KCTD3: variants seen among roughly 807,000 people sequenced by gnomAD.
KCTD3 encodes the protein potassium channel tetramerization domain containing 3, also known as BTB/POZ domain-containing protein KCTD3.
A neutral mutation model predicts 85.8 loss-of-function variants in KCTD3; 41 were observed. The observed-to-expected ratio is 0.48, with a 90% CI of 0.37 to 0.62. The LOEUF (loss-of-function observed/expected upper bound fraction) is 0.62. KCTD3 is among the 20% of genes least tolerant of loss of function. The pLI is 0.00. For missense variants in KCTD3, 724 were observed against 989.9 expected, an observed-to-expected ratio of 0.73 and a Z score of 3.60; for synonymous variants, 338 against 345.4, an observed-to-expected ratio of 0.98 and a Z score of 0.24.
At chr1:215,605,574 A>G (rs760112893) in intron 13 of KCTD3, among the ~76,000 whole-genome samples, 1 of 152,078 alleles carries the variant, frequency 6.6e-6, no homozygotes, top group Non-Finnish European at 1.5e-5. Flanking sequence ...TGACCATCCA[A>G]AGAGTTCCAA....
chr1:215,618,662 G>A, intron 15 of KCTD3: 1 of 380,872 alleles, frequency 2.6e-6, no homozygotes, highest in South Asian at 9.3e-5. Flanking sequence ...TTTTGAAGTT[G>A]AGTATTATCC....
chr1:215,616,991 G>A (rs556986542), intron 15 of KCTD3, among the ~76,000 whole-genome samples: 87 of 152,288 alleles, frequency 5.7e-4, no homozygotes, highest in African/African-American at 2.0e-3. Context: ...GAGAGGAGCC[G>A]AAGGCTAAGT....
chr1:215,578,184 C>T (rs1558229633), intron 6 of KCTD3, 103 bp downstream of exon 6: 5 of 851,742 alleles, frequency 5.9e-6, no homozygotes, highest in Admixed American at 2.4e-5. Flanking sequence ...AGTTTTTTGT[C>T]TATAAATCTA....
intron 9 of KCTD3, among the ~76,000 whole-genome samples, chr1:215,588,856 A>G (rs1660114590): frequency 6.6e-6 from 1 of 152,196 alleles, no homozygotes; most frequent in Admixed American, 6.5e-5. Flanking sequence ...ACTCTCTGCC[A>G]AATCTTTAGA....
chr1:215,608,475 G>A (rs986222379), intron 14 of KCTD3, among the ~76,000 whole-genome samples: 1 of 151,800 alleles, frequency 6.6e-6, no homozygotes, highest in African/African-American at 2.4e-5. Context: ...TATGATAACT[G>A]TGTACATTTG....
rs558580208 is a variant in KCTD3 at position 215,604,118 on chromosome 1, T to C, written c.1139-14T>C. On this transcript the variant is annotated splice_polypyrimidine_tract_variant and intron_variant, in intron 12 of 17. Transcript: ENST00000259154. ...TCCATAATGTATCACCTGTCAACTC[T>C]TGACTTTATATAGGTGTCAGTGGTA... 3.1e-6 allele frequency: 5 copies of C among 1,591,978 alleles called. No homozygotes were observed. The East Asian group carries it at 9.0e-5, about 29-fold the overall frequency.
At chr1:215,616,866 A>G (rs796974016) in intron 15 of KCTD3, among the ~76,000 whole-genome samples, 15 of 152,214 alleles carry the variant, frequency 9.9e-5, no homozygotes, top group African/African-American at 3.6e-4. Flanking sequence ...AGTCTTCCAA[A>G]TGATAAGTGT....
chr1:215,580,083 T>C (rs1659759161), intron 8 of KCTD3, 84 bp downstream of exon 8: 1 of 903,662 alleles, frequency 1.1e-6, no homozygotes. Context: ...ATTGAAAAGC[T>C]ATTTTTTTTT....
Position 215,606,679 on chromosome 1 carries a change from G to C in KCTD3, c.1310-1338G>C, listed in dbSNP as rs566670227. 1.8e-4 allele frequency among the ~76,000 whole-genome samples: 27 copies of C among 152,038 alleles called. 1 individual carries two copies. The South Asian group carries it at 4.4e-3, about 25-fold the overall frequency. On this transcript the variant is annotated intron_variant, in intron 13 of 17. Coordinates refer to ENST00000259154, the MANE Select transcript of KCTD3 (RefSeq NM_016121.5). The stretch of plus-strand genomic sequence containing the variant: ...ATTTTAACATCAGATATTTCATGTA[G>C]GTTTGAAACTTTTGTAAGTTTGTCA...
At chr1:215,587,221 C>A (rs1170644070) in intron 9 of KCTD3, among the ~76,000 whole-genome samples, 1 of 151,788 alleles carries the variant, frequency 6.6e-6, no homozygotes, top group Non-Finnish European at 1.5e-5. Flanking sequence ...CCTCTGCCTC[C>A]TGGGCTCAAG....
chr1:215,600,035 T>G (rs896796219), intron 10 of KCTD3, among the ~76,000 whole-genome samples: 2 of 152,116 alleles, frequency 1.3e-5, no homozygotes, highest in African/African-American at 4.8e-5. Context: ...TTAGCTAACT[T>G]GAGTAAGAAA....
chr1:215,618,474 G>T (rs1655538494), intron 15 of KCTD3: 1 of 166,462 alleles, frequency 6.0e-6, no homozygotes, highest in Admixed American at 6.3e-5. Context: ...CTCTTTTGAA[G>T]TAGGCTGGGA....
chr1:215,602,572 A>G (rs946025359), intron 12 of KCTD3, among the ~76,000 whole-genome samples: 1 of 152,094 alleles, frequency 6.6e-6, no homozygotes, highest in African/African-American at 2.4e-5. Context: ...AAGTTCTTAG[A>G]CTACTGCTGG....
At chr1:215,578,313 C>A (rs991761851) in intron 6 of KCTD3, among the ~76,000 whole-genome samples, 1 of 152,154 alleles carries the variant, frequency 6.6e-6, no homozygotes, top group African/African-American at 2.4e-5. Context: ...CAGAGGATCT[C>A]TGTGACAGCC....
In KCTD3 at chr1:215,580,012, T is replaced by G. The variant is rs11803705; in HGVS notation, c.626+13T>G. 426,930 of 1,508,830 alleles carry G rather than the reference T, an allele frequency of 0.28. 66,085 individuals are homozygous for G. The highest frequency in any genetic ancestry group is 0.52 in the South Asian group (45,286 of 87,816). The allele number at this position is 1,508,830 out of a possible 1,614,324, so 93.5% of individuals were successfully genotyped here. A position where few individuals can be genotyped will look rare whatever the true frequency, so the allele number is the denominator to read the frequency against. On this transcript the variant is annotated intron_variant, in intron 8 of 17. Coordinates refer to ENST00000259154, the MANE Select transcript of KCTD3 (RefSeq NM_016121.5). ...CTGTGTGTTACAGGTAGTGTATAAT[T>G]AATAATGCTTTGCTTTTACAGGTGG...
At position 215,567,611 on chromosome 1, in the gene KCTD3, C is replaced by T; in HGVS notation, c.-75C>T. The T allele has an allele frequency of 1.0e-6, 1 of 978,438 alleles. No individual in the cohort carries two copies. The highest frequency in any genetic ancestry group is 1.3e-6 in the Non-Finnish European group (1 of 765,496). The allele number at this position is 978,438 out of a possible 1,614,324, so 60.6% of individuals were successfully genotyped here. A position where few individuals can be genotyped will look rare whatever the true frequency, so the allele number is the denominator to read the frequency against. On this transcript the variant is annotated 5_prime_UTR_variant, in exon 1 of 18. Coordinates refer to ENST00000259154, the MANE Select transcript of KCTD3 (RefSeq NM_016121.5). ...GCTGGCCCTGCAGCCGTCGCCGCTG[C>T]CTCGGGCTACAGCCCCGGGCTCGGC...
intron 14 of KCTD3, 32 bp from the exon 15 acceptor site, chr1:215,611,793 T>A (rs377017503): frequency 7.2e-7 from 1 of 1,385,810 alleles, no homozygotes; most frequent in South Asian, 1.3e-5. Flanking sequence ...AAATTTTAAT[T>A]AATTTTTTGA....
Position 215,618,335 on chromosome 1 carries a change from A to G in KCTD3, c.1563-551A>G, listed in dbSNP as rs143816714. The G allele has an allele frequency of 4.4e-5, 8 of 181,960 alleles. No individual in the cohort carries two copies. The East Asian group carries it at 1.2e-3, about 27-fold the overall frequency. 11.3% of individuals were successfully genotyped at this position (181,960 alleles called of 1,614,324 possible). A position where few individuals can be genotyped will look rare whatever the true frequency, so the allele number is the denominator to read the frequency against. On this transcript the variant is annotated intron_variant, in intron 15 of 17. Transcript: ENST00000259154. ...CTCCTTTTTGTCCGGCCTACTAGGAAGCTCATCTAAGCTTCATATTCTATT... is the reference window on the plus strand; with the variant it reads ...CTCCTTTTTGTCCGGCCTACTAGGAGGCTCATCTAAGCTTCATATTCTATT...
chr1:215,608,249 CA>C (rs1655107284), intron 14 of KCTD3, 77 bp downstream of exon 14: 5 of 902,230 alleles, frequency 5.5e-6, no homozygotes, highest in Non-Finnish European at 7.8e-6. Context: ...AATAAAACCA[CA>C]AAAATGAGTT....
Sources: gnomAD v4.1 joint callset for allele counts (sites outside exome capture counted in the v4.1 genomes callset) on GRCh38, gnomAD v4.1.1 for gene constraint, MANE v1.5 for transcripts, NCBI Gene and HGNC (gene_info 2026-07-23, HGNC 2026-07-21) for gene names.